C8orf34: variants seen among roughly 807,000 people sequenced by gnomAD.
The protein encoded by C8orf34 is uncharacterized protein C8orf34.
Under a neutral mutation model 68.3 loss-of-function variants are expected in C8orf34, and 65 were observed. The ratio of observed to expected loss-of-function variants is 0.95; its 90% CI spans 0.78 to 1.17. The LOEUF (loss-of-function observed/expected upper bound fraction) is 1.17, where lower values mean the gene tolerates loss of function less well. Among genes scored for constraint, C8orf34 ranks in the 50% most tolerant of loss-of-function variants. The pLI is 0.00. For synonymous variants in C8orf34, 244 were observed against 241.2 expected (o/e 1.01, Z -0.11); for missense variants, 664 against 655.4 (o/e 1.01, Z -0.14).
intron 1 of C8orf34, among the ~76,000 whole-genome samples, chr8:68,342,919 A>G (rs1806129957): frequency 6.6e-6 from 1 of 152,186 alleles, no homozygotes; most frequent in Non-Finnish European, 1.5e-5. Flanking sequence ...AAAAAGTCAT[A>G]GGCTGAGGTT....
In C8orf34 at chr8:68,577,824, C is replaced by A. The variant is rs544128907; in HGVS notation, c.1105+44675C>A. Among the ~76,000 whole-genome samples, 8 of 151,254 alleles carry A rather than the reference C, an allele frequency of 5.3e-5. 1 individual carries two copies. In the South Asian group the frequency reaches 1.5e-3, roughly 28 times the overall value. On this transcript the variant is annotated intron_variant, in intron 7 of 13. Coordinates refer to ENST00000518698, the MANE Select transcript of C8orf34 (RefSeq NM_052958.4). The stretch of plus-strand genomic sequence containing the variant: ...ATGTAAAGACAATAATTCTAAAAAC[C>A]TTACTTTTGTATTTCTGCTTAAAAA...
At chr8:68,493,796 T>C (rs1266902712) in intron 5 of C8orf34, among the ~76,000 whole-genome samples, 4 of 152,280 alleles carry the variant, frequency 2.6e-5, no homozygotes, top group South Asian at 2.1e-4. Context: ...CTCTCCACCA[T>C]GTGAGCATGT....
chr8:68,468,928 C>T (rs1812263855), intron 4 of C8orf34, 108 bp downstream of exon 4: 3 of 1,228,170 alleles, frequency 2.4e-6, no homozygotes, highest in South Asian at 1.5e-5. Flanking sequence ...TCTAATTCTG[C>T]AAGAGGCTGA....
chr8:68,806,417 G>A (rs1440717447), intron 12 of C8orf34, among the ~76,000 whole-genome samples: 1 of 151,946 alleles, frequency 6.6e-6, no homozygotes, highest in Admixed American at 6.6e-5. Context: ...TTTTCACTGA[G>A]TATAAAAATC....
At chr8:68,495,290 T>TAA (rs141389221) in intron 5 of C8orf34, among the ~76,000 whole-genome samples, 10 of 151,588 alleles carry the variant, frequency 6.6e-5, no homozygotes, top group African/African-American at 1.9e-4. Context: ...TATATATATA[T>TAA]AATAACAATG....
At chr8:68,569,443 C>G (rs1172656549) in intron 7 of C8orf34, among the ~76,000 whole-genome samples, 3 of 152,194 alleles carry the variant, frequency 2.0e-5, no homozygotes, top group Non-Finnish European at 2.9e-5. Context: ...TTGTCGGCCC[C>G]TCCCCACCTC....
intron 4 of C8orf34, among the ~76,000 whole-genome samples, chr8:68,486,235 C>T (rs1433905338): frequency 6.6e-6 from 1 of 152,138 alleles, no homozygotes; most frequent in Non-Finnish European, 1.5e-5. Flanking sequence ...CTTAGTCTCA[C>T]ATCTTCCCCT....
In C8orf34 at chr8:68,655,439, C is replaced by T. The variant is rs562393911; in HGVS notation, c.1241+14928C>T. ...TTGAGTAAAGAAGTTCCCTAACTTA[C>T]GATGGTTCAACTTACCATTTTTCAC... is the stretch of plus-strand genomic sequence containing the variant. On this transcript the variant is annotated intron_variant, in intron 8 of 13. Transcript: ENST00000518698. Among the ~76,000 whole-genome samples, 81 of 152,266 alleles carry T rather than the reference C, an allele frequency of 5.3e-4. 1 individual carries two copies. The highest frequency in any genetic ancestry group is 2.4e-3 in the Admixed American group (37 of 15,302).
chr8:68,403,862 A>G (rs191600490), intron 1 of C8orf34, among the ~76,000 whole-genome samples: 1 of 152,246 alleles, frequency 6.6e-6, no homozygotes, highest in Admixed American at 6.5e-5. Flanking sequence ...ATGTGTCTTT[A>G]TGGCAGAATG....
rs139097015 is a variant in C8orf34 at position 68,441,125 on chromosome 8, C to T, written c.475+1479C>T. 7.7e-3 allele frequency among the ~76,000 whole-genome samples: 1,160 copies of T among 150,952 alleles called. 14 individuals carry two copies. The highest frequency in any genetic ancestry group is 0.026 in the African/African-American group (1,055 of 41,370). ...TGCCAACTCTTCATTTTAAATCGCA[C>T]ACATTAAGTACCTCAGTGTTTATGT... is the stretch of plus-strand genomic sequence containing the variant. On this transcript the variant is annotated intron_variant, in intron 2 of 13. Coordinates refer to ENST00000518698, the MANE Select transcript of C8orf34 (RefSeq NM_052958.4).
At chr8:68,607,967 A>T (rs7013043) in intron 7 of C8orf34, among the ~76,000 whole-genome samples, 1 of 151,884 alleles carries the variant, frequency 6.6e-6, no homozygotes, top group Non-Finnish European at 1.5e-5. Flanking sequence ...CAGAGAGGCC[A>T]GTGAAGTTCC....
intron 7 of C8orf34, among the ~76,000 whole-genome samples, chr8:68,629,953 T>C (rs1027509992): frequency 6.6e-6 from 1 of 152,138 alleles, no homozygotes; most frequent in Non-Finnish European, 1.5e-5. Context: ...AAATATTCTT[T>C]TGAATAGAAT....
intron 9 of C8orf34, among the ~76,000 whole-genome samples, chr8:68,716,970 T>C (rs541069394): frequency 6.6e-6 from 1 of 151,624 alleles, no homozygotes; most frequent in Non-Finnish European, 1.5e-5. Context: ...TGAAAGGCAT[T>C]CAGATTTCTA....
chr8:68,707,416 T>A (rs773092483), intron 8 of C8orf34, among the ~76,000 whole-genome samples: 3 of 152,168 alleles, frequency 2.0e-5, no homozygotes, highest in Non-Finnish European at 4.4e-5. Flanking sequence ...TTTCTTTGCA[T>A]CTCTATGACA....
chr8:68,461,890 G>A (rs1487482342), intron 3 of C8orf34, among the ~76,000 whole-genome samples: 1 of 152,052 alleles, frequency 6.6e-6, no homozygotes, highest in Non-Finnish European at 1.5e-5. Context: ...CAACTAACGA[G>A]CAAAATAACA....
At chr8:68,743,594 C>G (rs899119026) in intron 10 of C8orf34, among the ~76,000 whole-genome samples, 1 of 152,222 alleles carries the variant, frequency 6.6e-6, no homozygotes, top group Non-Finnish European at 1.5e-5. Flanking sequence ...TCAGGGAGTT[C>G]CCTTTCCTAG....
intron 6 of C8orf34, among the ~76,000 whole-genome samples, chr8:68,525,279 T>G (rs568090405): frequency 6.6e-6 from 1 of 152,266 alleles, no homozygotes; most frequent in African/African-American, 2.4e-5. Context: ...TAAATCAAAT[T>G]TAGTAATTTA....
At position 68,392,401 on chromosome 8, in the gene C8orf34, T is replaced by C. The variant is rs546274615; in HGVS notation, c.328-47098T>C. On this transcript the variant is annotated intron_variant, in intron 1 of 13. Coordinates refer to ENST00000518698, the MANE Select transcript of C8orf34 (RefSeq NM_052958.4). ...GAGGATTTCTATTTTCTTAGCAATGTCCTATTTATTTTATAATTTAAAAAC... is the reference window on the plus strand; with the variant it reads ...GAGGATTTCTATTTTCTTAGCAATGCCCTATTTATTTTATAATTTAAAAAC... Among the ~76,000 whole-genome samples, 4 of 152,064 alleles carry C rather than the reference T, an allele frequency of 2.6e-5. No homozygotes were observed. The South Asian group carries it at 8.3e-4, about 32-fold the overall frequency.
intron 7 of C8orf34, chr8:68,535,104 A>C (rs6989036): frequency 0.15 from 150,813 of 984,338 alleles, 13,489 homozygotes; most frequent in African/African-American, 0.4. Context: ...ACTGGACTTT[A>C]TCTTAAAATA....
Sources: allele counts gnomAD v4.1 joint callset (sites outside exome capture counted in the v4.1 genomes callset), GRCh38; gene constraint gnomAD v4.1.1; transcripts MANE v1.5; gene names NCBI Gene and HGNC (gene_info 2026-07-23, HGNC 2026-07-21).